KHDRBS3: variants seen among roughly 807,000 people sequenced by gnomAD.
KHDRBS3 encodes KH RNA binding domain containing, signal transduction associated 3.
KHDRBS3 carries 23 observed loss-of-function variants against 45.6 expected under a neutral mutation model. The ratio of observed to expected loss-of-function variants is 0.50; its 90% confidence interval spans 0.36 to 0.72. The LOEUF is 0.72. Among genes scored for constraint, KHDRBS3 ranks in the 30% least tolerant of loss-of-function variants. KHDRBS3 has a pLI of 0.00. For synonymous variants in KHDRBS3, 162 were observed against 156.5 expected (o/e 1.04, Z -0.26); for missense variants, 352 against 424.8 (o/e 0.83, Z 1.51).
chr8:135,475,341 C>T (rs996692887), intron 1 of KHDRBS3, among the ~76,000 whole-genome samples: 11 of 151,896 alleles, frequency 7.2e-5, no homozygotes, highest in African/African-American at 2.2e-4. Context: ...GACGGAGTTT[C>T]GCTCTTTTGC....
intron 5 of KHDRBS3, among the ~76,000 whole-genome samples, chr8:135,567,008 T>C (rs1376025740): frequency 6.6e-6 from 1 of 152,106 alleles, no homozygotes; most frequent in African/African-American, 2.4e-5. Flanking sequence ...GGACCCCAAG[T>C]GGTGGCAGTC....
chr8:135,601,307 G>A (rs10094782), intron 6 of KHDRBS3, among the ~76,000 whole-genome samples: 59,704 of 152,122 alleles, frequency 0.39, 12,803 homozygotes, highest in South Asian at 0.53. Context: ...GGTAGGTGAA[G>A]CAAAAAGCAA....
At chr8:135,544,706 C>T (rs16905394) in intron 3 of KHDRBS3, among the ~76,000 whole-genome samples, 7,086 of 152,216 alleles carry the variant, frequency 0.047, 261 homozygotes, top group East Asian at 0.18. Context: ...GCATGGGACA[C>T]CCTGATTTTA....
chr8:135,463,672 A>G (rs762753534), intron 1 of KHDRBS3, among the ~76,000 whole-genome samples: 1 of 152,232 alleles, frequency 6.6e-6, no homozygotes, highest in Admixed American at 6.5e-5. Flanking sequence ...CACATGCCAA[A>G]TAAGGTTTCT....
chr8:135,497,503 A>G (rs775340483), intron 1 of KHDRBS3, among the ~76,000 whole-genome samples: 11 of 152,068 alleles, frequency 7.2e-5, no homozygotes, highest in Non-Finnish European at 1.2e-4. Flanking sequence ...CACAAGCATC[A>G]CAAGCATCTC....
intron 1 of KHDRBS3, among the ~76,000 whole-genome samples, chr8:135,513,257 TATAAA>T (rs1401103685): frequency 1.3e-5 from 2 of 151,850 alleles, no homozygotes; most frequent in Non-Finnish European, 2.9e-5. Context: ...GCTCAAGAGA[TATAAA>T]GTTAAATTAG....
chr8:135,642,937 C>T (rs758522311), intron 7 of KHDRBS3, among the ~76,000 whole-genome samples: 8 of 152,022 alleles, frequency 5.3e-5, no homozygotes, highest in African/African-American at 9.7e-5. Context: ...GGACTACAGA[C>T]GTCACCACAC....
intron 7 of KHDRBS3, chr8:135,625,535 T>C (rs2131108684): frequency 2.3e-6 from 2 of 864,852 alleles, no homozygotes; most frequent in Admixed American, 1.8e-5. Flanking sequence ...GAGAGGTTTC[T>C]TGGGTGTATT....
downstream of KHDRBS3, among the ~76,000 whole-genome samples, chr8:135,649,137 G>A (rs1801615888): frequency 6.6e-6 from 1 of 152,122 alleles, no homozygotes; most frequent in Middle Eastern, 3.4e-3. Context: ...AAAATCTGGG[G>A]ACCTATAAAG....
chr8:135,494,768 A>C, intron 1 of KHDRBS3, among the ~76,000 whole-genome samples: 1 of 152,142 alleles, frequency 6.6e-6, no homozygotes, highest in African/African-American at 2.4e-5. Flanking sequence ...TGGGTTCAAG[A>C]GAATGTCTTC....
chr8:135,551,862 G>C (rs879333810), intron 4 of KHDRBS3, among the ~76,000 whole-genome samples: 1 of 152,126 alleles, frequency 6.6e-6, no homozygotes, highest in Admixed American at 6.5e-5. Context: ...CTAGCAAAAA[G>C]TCTTTTGTTT....
At chr8:135,634,612 G>A (rs189281969) in intron 7 of KHDRBS3, among the ~76,000 whole-genome samples, 1,727 of 152,210 alleles carry the variant, frequency 0.011, 14 homozygotes, top group Non-Finnish European at 0.016. Flanking sequence ...GCCAGTTAGG[G>A]AACTGAAGCT....
chr8:135,645,058 G>A lies in KHDRBS3; in HGVS notation c.891-1G>A. 1 of 1,613,094 alleles carries A rather than the reference G, an allele frequency of 6.2e-7. No individual in the cohort carries two copies. The highest frequency in any genetic ancestry group is 8.5e-7 in the Non-Finnish European group (1 of 1,179,858). ...CTTTGTTTTGTTTTGATCACTTGCA[G>A]TGGTGCTGATTACTATGATTACGGA... is the stretch of plus-strand genomic sequence containing the variant. On this transcript the variant is annotated splice_acceptor_variant, in intron 7 of 8. Coordinates refer to ENST00000355849, the MANE Select transcript of KHDRBS3 (RefSeq NM_006558.3). LOFTEE classifies it high-confidence loss of function.
At chr8:135,470,386 A>G (rs1452590570) in intron 1 of KHDRBS3, among the ~76,000 whole-genome samples, 1 of 152,090 alleles carries the variant, frequency 6.6e-6, no homozygotes, top group Non-Finnish European at 1.5e-5. Flanking sequence ...CCTTTTTGAC[A>G]TGCTGCCCAT....
intron 4 of KHDRBS3, chr8:135,549,646 A>G (rs1826487519): frequency 6.6e-6 from 1 of 152,192 alleles, no homozygotes; most frequent in Non-Finnish European, 1.5e-5. Flanking sequence ...AAAGAATCGT[A>G]AAGCATCAAC....
intron 7 of KHDRBS3, among the ~76,000 whole-genome samples, chr8:135,636,362 C>T (rs899251552): frequency 6.6e-6 from 1 of 152,108 alleles, no homozygotes; most frequent in Non-Finnish European, 1.5e-5. Context: ...GTGAAAATTC[C>T]TTAAAGAAAA....
intron 7 of KHDRBS3, among the ~76,000 whole-genome samples, chr8:135,636,369 AAAAG>A (rs1830813624): frequency 6.6e-6 from 1 of 152,212 alleles, no homozygotes; most frequent in Non-Finnish European, 1.5e-5. Context: ...TTCCTTAAAG[AAAAG>A]AAAAAGAATT....
At chr8:135,550,109 A>C (rs896547204) in intron 4 of KHDRBS3, 2 of 152,226 alleles carry the variant, frequency 1.3e-5, no homozygotes, top group African/African-American at 4.8e-5. Context: ...AATTGAAACT[A>C]TGGCGAGACC....
chr8:135,488,100 CAT>C (rs1205343419), intron 1 of KHDRBS3, among the ~76,000 whole-genome samples: 1 of 152,130 alleles, frequency 6.6e-6, no homozygotes, highest in Non-Finnish European at 1.5e-5. Context: ...ATTCAGAAAA[CAT>C]CTCTATATAG....
Sources: gnomAD v4.1 joint callset for allele counts (sites outside exome capture counted in the v4.1 genomes callset) on GRCh38, gnomAD v4.1.1 for gene constraint, MANE v1.5 for transcripts, NCBI Gene and HGNC (gene_info 2026-07-23, HGNC 2026-07-21) for gene names.